The following TTC3 variants were observed in gnomAD, a reference collection of about 807,000 sequenced individuals.
The protein encoded by TTC3 is E3 ubiquitin-protein ligase TTC3.
In TTC3, 180 loss-of-function variants were observed where a neutral mutation model predicts 249.6. The ratio of observed to expected loss-of-function variants is 0.72; its 90% CI spans 0.64 to 0.82. The LOEUF (loss-of-function observed/expected upper bound fraction) is 0.82. Among genes scored for constraint, TTC3 ranks in the 40% least tolerant of loss-of-function variants. The pLI is 0.00. For missense variants in TTC3, 2,061 were observed against 2,398.4 expected (o/e 0.86, Z 2.94); for synonymous variants, 717 against 805.0 (o/e 0.89, Z 1.85).
intron 18 of TTC3, among the ~76,000 whole-genome samples, chr21:37,137,597 TGAAATG>T (rs2078071807): frequency 6.6e-6 from 1 of 152,184 alleles, no homozygotes; most frequent in South Asian, 2.1e-4. Flanking sequence ...AGTCATTTCT[TGAAATG>T]GAATCTACTC....
chr21:37,105,689 A>G (rs1181409454), intron 10 of TTC3, among the ~76,000 whole-genome samples: 2 of 152,184 alleles, frequency 1.3e-5, no homozygotes, highest in Non-Finnish European at 2.9e-5. Context: ...CAGGAGAACT[A>G]CCATCCTGGC....
chr21:37,126,400 T>G (rs1022200015), intron 15 of TTC3, among the ~76,000 whole-genome samples: 1 of 152,198 alleles, frequency 6.6e-6, no homozygotes, highest in Non-Finnish European at 1.5e-5. Flanking sequence ...TTGGTCTGCT[T>G]CTTAATTTTT....
At chr21:37,106,795 G>A (rs1235820087) in intron 10 of TTC3, among the ~76,000 whole-genome samples, 1 of 152,204 alleles carries the variant, frequency 6.6e-6, no homozygotes, top group African/African-American at 2.4e-5. Flanking sequence ...TACTCAGGAG[G>A]CTGAGGTGGG....
rs36080285 is a variant in TTC3, at chr21:37,196,705, TG to T, written c.5579+675del. 6.5e-3 allele frequency among the ~76,000 whole-genome samples: 989 copies of T among 152,256 alleles called. 11 individuals are homozygous for T. Among genetic ancestry groups the T allele is most frequent in the African/African-American group, 0.022 (925 of 41,538 alleles). ...CGCAAAACAATAATTTTGCATCATT[TG>T]GGGGGACAAAATTATATATAGCAAA... On this transcript the variant is annotated intron_variant, in intron 42 of 45. Coordinates refer to ENST00000355666, the Ensembl canonical transcript of TTC3.
At chr21:37,117,911 C>A (rs779460483) in intron 11 of TTC3, among the ~76,000 whole-genome samples, 1 of 151,044 alleles carries the variant, frequency 6.6e-6, no homozygotes, top group African/African-American at 2.4e-5. Flanking sequence ...ATACTTGTTC[C>A]TGGCTTAGTT....
intron 34 of TTC3, among the ~76,000 whole-genome samples, chr21:37,170,412 C>G (rs1037665428): frequency 6.6e-6 from 1 of 152,142 alleles, no homozygotes; most frequent in African/African-American, 2.4e-5. Flanking sequence ...AGCAATCATT[C>G]ACATTTTGAA....
intron 35 of TTC3, 83 bp downstream of exon 35, chr21:37,172,827 C>T: frequency 7.4e-6 from 11 of 1,492,698 alleles, no homozygotes; most frequent in Non-Finnish European, 9.9e-6. Context: ...GCGGCCTCAG[C>T]TGAACTTCTG....
intron 1 of TTC3, among the ~76,000 whole-genome samples, chr21:37,079,213 C>T (rs2071281846): frequency 6.6e-6 from 1 of 152,016 alleles, no homozygotes; most frequent in East Asian, 1.9e-4. Context: ...GCTAGAATCA[C>T]TTCTCATTTT....
intron 13 of TTC3, among the ~76,000 whole-genome samples, chr21:37,123,997 C>G (rs553621092): frequency 1.3e-5 from 2 of 151,920 alleles, no homozygotes; most frequent in African/African-American, 2.4e-5. Context: ...GATCCGCTCG[C>G]CTTGGCCTCC....
At chr21:37,129,110 TC>T in intron 16 of TTC3, 47 bp downstream of exon 16, 1 of 1,404,642 alleles carries the variant, frequency 7.1e-7, no homozygotes, top group Admixed American at 2.4e-5. Flanking sequence ...AATATACTCT[TC>T]CCAAGAAAAA....
chr21:37,179,794 C>G (rs1490823939), intron 35 of TTC3, among the ~76,000 whole-genome samples: 1 of 152,060 alleles, frequency 6.6e-6, no homozygotes, highest in African/African-American at 2.4e-5. Context: ...GCCACCAGCC[C>G]CAGAAGGGTG....
chr21:37,172,721 A>G, exon 35 of TTC3: 1 of 1,613,746 alleles, frequency 6.2e-7, no homozygotes, highest in Non-Finnish European at 8.5e-7. Context: ...AGAGAAGTTG[A>G]AAAGGCACTT....
chr21:37,132,772 G>A lies in TTC3; in HGVS notation c.1443+6G>A, dbSNP rs1375977427. 1 of 1,586,558 alleles carries A rather than the reference G, an allele frequency of 6.3e-7. No homozygotes were observed. On this transcript the variant is annotated splice_donor_region_variant and intron_variant, in intron 17 of 45. Transcript: ENST00000355666. ...CTTCCAGAGCTGCACACCAGGTAAT[G>A]GAGAAGCTTTTCCAATGGAAAAAGC...
chr21:37,133,347 T>C (rs1657370387), intron 17 of TTC3, among the ~76,000 whole-genome samples: 1 of 152,168 alleles, frequency 6.6e-6, no homozygotes, highest in African/African-American at 2.4e-5. Flanking sequence ...CATGTGGATC[T>C]TTTTTTAGGT....
chr21:37,178,884 C>T (rs1040206896), intron 35 of TTC3, among the ~76,000 whole-genome samples: 5 of 152,092 alleles, frequency 3.3e-5, no homozygotes, highest in Admixed American at 1.3e-4. Flanking sequence ...CACTTGAGCC[C>T]AGGGGTTTTG....
At chr21:37,099,361 A>G (rs1227213895) in intron 10 of TTC3, among the ~76,000 whole-genome samples, 2 of 152,218 alleles carry the variant, frequency 1.3e-5, no homozygotes, top group African/African-American at 2.4e-5. Context: ...ACAGATGATG[A>G]AACAGGTATA....
chr21:37,086,454 C>G (rs1447201578), intron 1 of TTC3: 1 of 148,530 alleles, frequency 6.7e-6, no homozygotes, highest in Non-Finnish European at 1.5e-5. Context: ...GGAAAAAAAA[C>G]CCTTAGTCTG....
chr21:37,092,916 A>G (rs961309138), intron 7 of TTC3, among the ~76,000 whole-genome samples: 1 of 152,302 alleles, frequency 6.6e-6, no homozygotes, highest in Non-Finnish European at 1.5e-5. Flanking sequence ...TTAAATTTTT[A>G]TAATAATAGT....
At chr21:37,163,771 C>CT (rs768419219) in intron 31 of TTC3, among the ~76,000 whole-genome samples, 7 of 152,290 alleles carry the variant, frequency 4.6e-5, no homozygotes, top group East Asian at 1.9e-4. Flanking sequence ...ATTAATGCAA[C>CT]TTTTTTTAAA....
Sources: gnomAD v4.1 joint callset for allele counts (sites outside exome capture counted in the v4.1 genomes callset) on GRCh38, gnomAD v4.1.1 for gene constraint, MANE v1.5 for transcripts, NCBI Gene and HGNC (gene_info 2026-07-23, HGNC 2026-07-21) for gene names.